Variants in CUL9 observed in about 807,000 individuals in gnomAD.
The protein encoded by CUL9 is cullin 9.
Under a neutral mutation model 272.6 loss-of-function variants are expected in CUL9, and 79 were observed. The ratio of observed to expected loss-of-function variants is 0.29; its 90% CI spans 0.24 to 0.35. CUL9 has a LOEUF of 0.35. Among genes scored for constraint, CUL9 ranks in the 10% least tolerant of loss-of-function variants. The pLI, the probability that CUL9 is intolerant of heterozygous loss-of-function variation, is 1.00. For synonymous variants in CUL9, 1,186 were observed against 1,286.5 expected, an observed-to-expected ratio of 0.92 and a Z score of 1.67; for missense variants, 2,532 against 3,255.6, an observed-to-expected ratio of 0.78 and a Z score of 5.41.
chr6:43,203,664 TG>T lies in CUL9; in HGVS notation c.4025+75del. 6.5e-7 allele frequency: 1 copy of T among 1,544,808 alleles called. No individual in the cohort carries two copies. The highest frequency in any genetic ancestry group is 2.3e-5 in the East Asian group (1 of 44,192). On this transcript the variant is annotated intron_variant, in intron 19 of 40. Transcript: ENST00000252050. This position sits in a 1 kb window ranked among gnomAD's most constrained non-coding sequence, Gnocchi z 5.0. ...GTGAGAAGTAGGAGGGATGCTCCTGTGGGAGTCCGGAAGGGAAAGCTGCAGC... is the reference window on the plus strand; with the variant it reads ...GTGAGAAGTAGGAGGGATGCTCCTGTGGAGTCCGGAAGGGAAAGCTGCAGC...
Position 43,186,072 on chromosome 6 carries a change from A to G in CUL9, c.868A>G (p.Thr290Ala). The G allele has an allele frequency of 1.2e-6, 2 of 1,614,232 alleles. No individual in the cohort carries two copies. Among genetic ancestry groups the G allele is most frequent in the South Asian group, 2.2e-5 (2 of 91,090 alleles). ...GAGDQSSPCATREKSRGQREL... is the reference protein window; with the variant it reads ...GAGDQSSPCAAREKSRGQREL... Reference sequence around the variant, plus strand: ...TGGAGACCAAAGCTCCCCATGTGCCACAAGAGAGAAAAGCCGGGGACAGCG... The same window carrying G: ...TGGAGACCAAAGCTCCCCATGTGCCGCAAGAGAGAAAAGCCGGGGACAGCG... The change falls in exon 4 of 41, where the codon ACA becomes GCA. Residue 290 changes from threonine (T) to alanine (A), a missense_variant. Transcript: ENST00000252050.
intron 31 of CUL9, among the ~76,000 whole-genome samples, chr6:43,219,170 C>T (rs1776148855): frequency 6.6e-6 from 1 of 151,714 alleles, no homozygotes; most frequent in African/African-American, 2.4e-5. Flanking sequence ...GTGTGGGTGA[C>T]AAAGCGAGAC....
At position 43,202,719 on chromosome 6, in the gene CUL9, G is replaced by C; in HGVS notation, c.3651G>C (p.Gln1217His). ...TGTTTCCTTTCTTCTTTCCCAGGCA[G>C]CTCACTTTGCTGGTGGCCAGTGAGG... ...LHMHRGVLVR[Q>H]LTLLVASEDS... Residue 1217 changes from glutamine to histidine, a missense_variant, in exon 17 of 41, where the codon CAG becomes CAC. Transcript: ENST00000252050. 6.2e-7 allele frequency: 1 copy of C among 1,613,958 alleles called. No homozygotes were observed. Among genetic ancestry groups the C allele is most frequent in the Non-Finnish European group, 8.5e-7 (1 of 1,179,834 alleles).
In CUL9 at chr6:43,203,581, G is replaced by A; in HGVS notation, c.4014G>A (p.Gln1338=). ...DIAEDHRRLL[Q]LCPRLNRVLR... ...CAGAGGACCACCGGCGCCTCCTCCAGCTCTGTCCCAGGTGGGTGGGGCCTG... is the reference window on the plus strand; with the variant it reads ...CAGAGGACCACCGGCGCCTCCTCCAACTCTGTCCCAGGTGGGTGGGGCCTG... Residue 1338 remains glutamine, a synonymous_variant, in exon 19 of 41, where the codon CAG becomes CAA. Transcript: ENST00000252050. The surrounding 1 kb of genome is among the most constrained non-coding windows in gnomAD (Gnocchi z 5.0). 2 of 1,613,318 alleles carry A rather than the reference G, an allele frequency of 1.2e-6. No homozygotes were observed. Among genetic ancestry groups the A allele is most frequent in the Non-Finnish European group, 1.7e-6 (2 of 1,179,960 alleles).
rs752683860 is a variant in CUL9 at position 43,199,960 on chromosome 6, G to A, written c.3188G>A (p.Arg1063His). 2.0e-5 allele frequency: 33 copies of A among 1,613,972 alleles called. No homozygotes were observed. In the East Asian group the frequency reaches 3.8e-4, roughly 19 times the overall value. The change falls in exon 14 of 41, where the codon CGC becomes CAC. Residue 1063 changes from arginine (R) to histidine (H), a missense_variant. Transcript: ENST00000252050. The surrounding 1 kb of genome is among the most constrained non-coding windows in gnomAD (Gnocchi z 4.4). ...IVQELTCFLH[R>H]LASMHKDYAV... Reference sequence around the variant, plus strand: ...CAGGAGCTGACCTGCTTCCTACATCGCCTGGCCTCGATGCATAAGGACTAT... The same window carrying A: ...CAGGAGCTGACCTGCTTCCTACATCACCTGGCCTCGATGCATAAGGACTAT...
chr6:43,186,470 G>A lies in CUL9; in HGVS notation c.1251+15G>A. On this transcript the variant is annotated intron_variant, in intron 4 of 40. Coordinates refer to ENST00000252050, the MANE Select transcript of CUL9 (RefSeq NM_015089.4). The stretch of plus-strand genomic sequence containing the variant: ...CCCCTGTGCAGGTGGGCAGCACATG[G>A]TGGTGAGACACTGTTGGGAGTTTAT... The A allele has an allele frequency of 1.3e-6, 2 of 1,572,666 alleles. No homozygotes were observed. Among genetic ancestry groups the A allele is most frequent in the Non-Finnish European group, 1.7e-6 (2 of 1,154,342 alleles).
rs1235502925 is a variant in CUL9 at position 43,221,905 on chromosome 6, CT to C, written c.6846+128del. Reference sequence around the variant, plus strand: ...TTCTAGCTGTTGGGATAGAGGCTCACTGTGGGGAAGACAGAGCCACCTGGGC... The same window carrying C: ...TTCTAGCTGTTGGGATAGAGGCTCACGTGGGGAAGACAGAGCCACCTGGGC... On this transcript the variant is annotated intron_variant, in intron 35 of 40. Transcript: ENST00000252050. The surrounding 1 kb of genome is among the most constrained non-coding windows in gnomAD (Gnocchi z 4.2). The C allele has an allele frequency of 1.2e-6, 1 of 822,868 alleles. No individual in the cohort carries two copies. The highest frequency in any genetic ancestry group is 1.7e-5 in the African/African-American group (1 of 58,214). The allele number at this position is 822,868 out of a possible 1,614,324, so 51.0% of individuals were successfully genotyped here.
At chr6:43,187,559 G>C in intron 6 of CUL9, 120 bp downstream of exon 6, 1 of 1,328,430 alleles carries the variant, frequency 7.5e-7, no homozygotes. Flanking sequence ...ATTAGAGTTA[G>C]GAGGAGTCCT....
At chr6:43,195,756 G>A (rs75644736) in intron 9 of CUL9, among the ~76,000 whole-genome samples, 4,500 of 152,248 alleles carry the variant, frequency 0.03, 233 homozygotes, top group African/African-American at 0.1. Flanking sequence ...CAGGAGGGGC[G>A]GCTGTCCCAC....
In CUL9 at chr6:43,184,359, C is replaced by A; in HGVS notation, c.49C>A (p.Arg17=). The part of the protein sequence containing the change: ...AGDLMVPLGP[R]LQAYPEELIR... ...GGACCTCATGGTGCCCTTAGGGCCT[C>A]GGCTGCAGGCATATCCTGAAGAACT... Residue 17 remains arginine, a synonymous_variant, in exon 2 of 41, where the codon CGG becomes AGG. Coordinates refer to ENST00000252050, the MANE Select transcript of CUL9 (RefSeq NM_015089.4). The surrounding 1 kb of genome is among the most constrained non-coding windows in gnomAD (Gnocchi z 4.8). 6.3e-7 allele frequency: 1 copy of A among 1,588,822 alleles called. No individual in the cohort carries two copies. Among genetic ancestry groups the A allele is most frequent in the Non-Finnish European group, 8.6e-7 (1 of 1,164,294 alleles).
chr6:43,202,832 T>G lies in CUL9; in HGVS notation c.3753+11T>G. On this transcript the variant is annotated intron_variant, in intron 17 of 40. Coordinates refer to ENST00000252050, the MANE Select transcript of CUL9 (RefSeq NM_015089.4). ...ACTGAGCTCAACACGGTGGGGACCCTTGTGCCCACCTTCACCTTGCTCCAC... is the reference window on the plus strand; with the variant it reads ...ACTGAGCTCAACACGGTGGGGACCCGTGTGCCCACCTTCACCTTGCTCCAC... 1 of 1,607,020 alleles carries G rather than the reference T, an allele frequency of 6.2e-7. No homozygotes were observed. Among genetic ancestry groups the G allele is most frequent in the Non-Finnish European group, 8.5e-7 (1 of 1,173,552 alleles).
rs542301966 is a variant in CUL9, at chr6:43,222,999, C to G, written c.7150+103C>G. On this transcript the variant is annotated intron_variant, in intron 38 of 40. Coordinates refer to ENST00000252050, the MANE Select transcript of CUL9 (RefSeq NM_015089.4). ...CAAGCGGCACCCTTACCTTCCCTCT[C>G]TCCTCTTCCTCTTCATTCTTCATGG... 1.6e-5 allele frequency: 16 copies of G among 982,464 alleles called. No homozygotes were observed. In the South Asian group the frequency reaches 2.4e-4, roughly 15 times the overall value. 60.9% of individuals were successfully genotyped at this position (982,464 alleles called of 1,614,324 possible). A position where few individuals can be genotyped will look rare whatever the true frequency, so the allele number is the denominator to read the frequency against.
chr6:43,215,376 C>G, intron 30 of CUL9, 50 bp downstream of exon 30: 1 of 1,542,724 alleles, frequency 6.5e-7, no homozygotes, highest in South Asian at 1.2e-5. Flanking sequence ...GGTGGTCATG[C>G]CAAAGCCAAG....
In CUL9 at chr6:43,215,237, G is replaced by A; in HGVS notation, c.5847G>A (p.Leu1949=). The A allele has an allele frequency of 6.2e-7, 1 of 1,614,182 alleles. No individual in the cohort carries two copies. Among genetic ancestry groups the A allele is most frequent in the Non-Finnish European group, 8.5e-7 (1 of 1,180,042 alleles). ...GGCGTGATGACCGGCCCCAGATCCT[G>A]ATGTATGCCGCTCCAGAGCCCATGG... ...VKRRDDRPQI[L]MYAAPEPMGP... Residue 1949 remains leucine (L), a synonymous_variant, in exon 30 of 41, where the codon CTG becomes CTA. Transcript: ENST00000252050.
chr6:43,199,477 G>T lies in CUL9; in HGVS notation c.3156+106G>T. 1 of 829,268 alleles carries T rather than the reference G, an allele frequency of 1.2e-6. No homozygotes were observed. The highest frequency in any genetic ancestry group is 1.4e-5 in the South Asian group (1 of 70,092). 51.4% of individuals were successfully genotyped at this position (829,268 alleles called of 1,614,324 possible). A position where few individuals can be genotyped will look rare whatever the true frequency, so the allele number is the denominator to read the frequency against. ...GCAGAGCCTTTCTGAATGGATCTTGGGGCACTGGGATGGGTGTAGGAGGAG... is the reference window on the plus strand; with the variant it reads ...GCAGAGCCTTTCTGAATGGATCTTGTGGCACTGGGATGGGTGTAGGAGGAG... On this transcript the variant is annotated intron_variant, in intron 13 of 40. Coordinates refer to ENST00000252050, the MANE Select transcript of CUL9 (RefSeq NM_015089.4). The surrounding 1 kb of genome is among the most constrained non-coding windows in gnomAD (Gnocchi z 4.4).
At chr6:43,217,098 A>G (rs77359605) in intron 31 of CUL9, among the ~76,000 whole-genome samples, 2,730 of 152,254 alleles carry the variant, frequency 0.018, 75 homozygotes, top group African/African-American at 0.061. Flanking sequence ...GTGCATGCCT[A>G]TAATCCCAGC....
intron 4 of CUL9, 91 bp downstream of exon 4, chr6:43,186,546 C>T (rs1267237529): frequency 2.7e-6 from 4 of 1,479,810 alleles, no homozygotes; most frequent in Non-Finnish European, 2.7e-6. Flanking sequence ...TGCAGGCCAC[C>T]CAAGAAGAAC....
At chr6:43,202,921 T>C (rs1774727808) in intron 17 of CUL9, 100 bp downstream of exon 17, 4 of 1,297,188 alleles carry the variant, frequency 3.1e-6, no homozygotes, top group Non-Finnish European at 4.4e-6. Flanking sequence ...TGACATCCCT[T>C]CCCCTTGGGA....
chr6:43,216,890 C>G (rs1775985979), intron 31 of CUL9, among the ~76,000 whole-genome samples: 1 of 152,180 alleles, frequency 6.6e-6, no homozygotes, highest in South Asian at 2.1e-4. Flanking sequence ...CAAGTTAGAA[C>G]TAAGAGATAT....
Sources: gnomAD v4.1 joint callset for allele counts (sites outside exome capture counted in the v4.1 genomes callset) on GRCh38, gnomAD v4.1.1 for gene constraint, Gnocchi (gnomAD v3.1) non-coding constraint, MANE v1.5 for transcripts, NCBI Gene and HGNC (gene_info 2026-07-23, HGNC 2026-07-21) for gene names.